The following NUP93 variants were observed in gnomAD, a reference collection of about 807,000 sequenced individuals.
NUP93 encodes nucleoporin 93, also known as nuclear pore complex protein Nup93.
Under a neutral mutation model 107.8 loss-of-function variants are expected in NUP93, and 55 were observed. That is an observed-to-expected ratio of 0.51 (90% CI 0.41 to 0.64). The LOEUF is 0.64. NUP93 is among the 30% of genes least tolerant of loss of function. NUP93 has a pLI of 0.00. For missense variants in NUP93, 937 were observed against 1,044.7 expected (o/e 0.90, Z 1.42); for synonymous variants, 390 against 397.5 (o/e 0.98, Z 0.22).
rs1319123670 is a variant in NUP93 at position 56,730,214 on chromosome 16, A to G, written c.-15+3A>G. The G allele has an allele frequency of 1.3e-5, 2 of 152,314 alleles. No individual in the cohort carries two copies. Among genetic ancestry groups the G allele is most frequent in the Non-Finnish European group, 1.5e-5 (1 of 68,118 alleles). 9.4% of individuals were successfully genotyped at this position (152,314 alleles called of 1,614,324 possible). On this transcript the variant is annotated splice_donor_region_variant and intron_variant, in intron 1 of 21. Transcript: ENST00000308159. ...GGCGGAGACGGCTGTAGCACAAGGT[A>G]AGGGTGTGTCTGGTCGCGTCCTTGC... is the stretch of plus-strand genomic sequence containing the variant.
At chr16:56,757,512 A>G (rs1860527101) in intron 2 of NUP93, among the ~76,000 whole-genome samples, 1 of 152,004 alleles carries the variant, frequency 6.6e-6, no homozygotes, top group Non-Finnish European at 1.5e-5. Context: ...CCACCCCACC[A>G]CTACACTACG....
chr16:56,839,545 C>T lies in NUP93; in HGVS notation c.2161C>T (p.Pro721Ser). The T allele has an allele frequency of 6.2e-7, 1 of 1,612,804 alleles. No homozygotes were observed. The highest frequency in any genetic ancestry group is 1.1e-5 in the South Asian group (1 of 90,746). Residue 721 changes from proline (P) to serine (S), a missense_variant, in exon 20 of 22, where the codon CCC becomes TCC. Pro to Ser is a moderately conservative substitution (Grantham distance 74). Transcript: ENST00000308159. Reference sequence around the variant, plus strand: ...GATCATTGAGCGCTTGAAGCTGGTGCCCCTGAATCAGGAAAGTGTGGAAGA... The same window carrying T: ...GATCATTGAGCGCTTGAAGCTGGTGTCCCTGAATCAGGAAAGTGTGGAAGA... ...FDIIERLKLV[P>S]LNQESVEERV...
rs191642195 is a variant in NUP93 at position 56,825,598 on chromosome 16, T to C, written c.794+1752T>C. The stretch of plus-strand genomic sequence containing the variant: ...TCTTGATCACCCTAATCCTTAACAT[T>C]GGTCCTTGACTTCACCAATGGTACT... On this transcript the variant is annotated intron_variant, in intron 8 of 21. Transcript: ENST00000308159. 2.8e-4 allele frequency among the ~76,000 whole-genome samples: 43 copies of C among 152,274 alleles called. No individual in the cohort carries two copies. In the East Asian group the frequency reaches 7.7e-3, roughly 27 times the overall value.
At chr16:56,816,668 T>C (rs1442417515) in intron 5 of NUP93, among the ~76,000 whole-genome samples, 1 of 152,160 alleles carries the variant, frequency 6.6e-6, no homozygotes, top group Non-Finnish European at 1.5e-5. Flanking sequence ...TTCCATCTCA[T>C]TGGCTAGAAC....
chr16:56,771,523 C>T (rs1442833607), intron 3 of NUP93, among the ~76,000 whole-genome samples: 1 of 152,122 alleles, frequency 6.6e-6, no homozygotes, highest in African/African-American at 2.4e-5. Flanking sequence ...ATGTTTTGTC[C>T]CTGCCTTTCC....
intron 5 of NUP93, among the ~76,000 whole-genome samples, chr16:56,806,940 T>A (rs962940753): frequency 6.6e-6 from 1 of 152,104 alleles, no homozygotes; most frequent in South Asian, 2.1e-4. Context: ...TGCTACAGTC[T>A]CTTCTCAACA....
At chr16:56,830,408 A>G (rs755710131) in intron 9 of NUP93, 120 bp from the exon 10 acceptor site, 2 of 905,596 alleles carry the variant, frequency 2.2e-6, no homozygotes, top group Non-Finnish European at 3.2e-6. Flanking sequence ...CACTGCAGGG[A>G]GCTGTTCTGA....
chr16:56,760,810 T>C (rs1029504993), intron 3 of NUP93, among the ~76,000 whole-genome samples: 1 of 152,032 alleles, frequency 6.6e-6, no homozygotes, highest in Non-Finnish European at 1.5e-5. Flanking sequence ...GATCGGGGCA[T>C]GGTGGCGCAC....
rs529127426 is a variant in NUP93 at position 56,847,518 on chromosome 16, C to A, written c.*2909C>A. ...ACTTTGAGACTGTCAGGGTTTGTTC[C>A]TGTCTCAGAATGGCTCATAATAAAC... On this transcript the variant is annotated 3_prime_UTR_variant, in exon 22 of 22. Transcript: ENST00000308159. 6.6e-6 allele frequency: 1 copy of A among 152,188 alleles called. No individual in the cohort carries two copies. The highest frequency in any genetic ancestry group is 2.4e-5 in the African/African-American group (1 of 41,436). 9.4% of individuals were successfully genotyped at this position (152,188 alleles called of 1,614,324 possible).
chr16:56,782,170 G>T (rs190171907), intron 3 of NUP93: 265 of 985,228 alleles, frequency 2.7e-4, no homozygotes, highest in Non-Finnish European at 3.0e-4. Context: ...TGCAGTGATC[G>T]ACAGCATCGA....
chr16:56,804,521 A>C (rs1264607413), intron 4 of NUP93, among the ~76,000 whole-genome samples: 1 of 152,118 alleles, frequency 6.6e-6, no homozygotes, highest in African/African-American at 2.4e-5. Flanking sequence ...CACAGAAACA[A>C]AGTAGAGTGG....
chr16:56,800,294 G>A (rs1456603779), intron 4 of NUP93, among the ~76,000 whole-genome samples: 1 of 152,050 alleles, frequency 6.6e-6, no homozygotes, highest in African/African-American at 2.4e-5. Flanking sequence ...TTTTTAAAAG[G>A]GTTTTTTTTG....
At chr16:56,781,506 T>G (rs2144519730) in intron 3 of NUP93, among the ~76,000 whole-genome samples, 1 of 152,310 alleles carries the variant, frequency 6.6e-6, no homozygotes, top group East Asian at 1.9e-4. Context: ...TACCATTTAT[T>G]TTAGCATCAT....
intron 3 of NUP93, chr16:56,781,708 G>A (rs11643731): frequency 0.04 from 14,766 of 364,966 alleles, 389 homozygotes; most frequent in Non-Finnish European, 0.05. Context: ...AATTGCAGTG[G>A]TTTGGGTTGG....
intron 1 of NUP93, among the ~76,000 whole-genome samples, chr16:56,731,440 C>G (rs1385227876): frequency 6.6e-6 from 1 of 151,198 alleles, no homozygotes; most frequent in East Asian, 1.9e-4. Context: ...CCCTCGGTCG[C>G]TCAGTCTGGA....
At chr16:56,757,607 A>G (rs1567377991) in intron 2 of NUP93, among the ~76,000 whole-genome samples, 1 of 152,146 alleles carries the variant, frequency 6.6e-6, no homozygotes, top group African/African-American at 2.4e-5. Flanking sequence ...GCATTGTTAC[A>G]TTGCCCCAGG....
chr16:56,777,369 A>G (rs2144513055), intron 3 of NUP93, among the ~76,000 whole-genome samples: 1 of 152,326 alleles, frequency 6.6e-6, no homozygotes, highest in Non-Finnish European at 1.5e-5. Context: ...ACTCTGGGGC[A>G]GCAGGAACTT....
chr16:56,830,851 A>C (rs1963770051), intron 10 of NUP93, among the ~76,000 whole-genome samples, 166 bp downstream of exon 10: 1 of 152,240 alleles, frequency 6.6e-6, no homozygotes, highest in Non-Finnish European at 1.5e-5. Context: ...TAAGGAGTGA[A>C]AACATTAAAA....
At chr16:56,741,567 A>T (rs1288481598) in intron 1 of NUP93, among the ~76,000 whole-genome samples, 1 of 152,228 alleles carries the variant, frequency 6.6e-6, no homozygotes, top group Non-Finnish European at 1.5e-5. Flanking sequence ...TAAAAACAGT[A>T]CTGTTTACTG....
Sources: allele counts gnomAD v4.1 joint callset (sites outside exome capture counted in the v4.1 genomes callset), GRCh38; gene constraint gnomAD v4.1.1; transcripts MANE v1.5; gene names NCBI Gene and HGNC (gene_info 2026-07-23, HGNC 2026-07-21).